Variants in CRLF1 observed in about 807,000 individuals in gnomAD.
CRLF1 encodes cytokine receptor like factor 1, also known as cytokine receptor-like factor 1.
Under a neutral mutation model 48.9 loss-of-function variants are expected in CRLF1, and 36 were observed. That is an observed-to-expected ratio of 0.74 (90% confidence interval 0.56 to 0.97). The LOEUF is 0.97. Ranked by LOEUF, CRLF1 falls within the 50% of genes least tolerant of loss-of-function variation. The pLI, the probability that CRLF1 is intolerant of heterozygous loss-of-function variation, is 0.00. For synonymous variants in CRLF1, 256 were observed against 253.4 expected (o/e 1.01, Z -0.10); for missense variants, 534 against 575.1 (o/e 0.93, Z 0.73).
At chr19:18,594,029 T>TTCGTGGGGC in intron 8 of CRLF1, 36 bp downstream of exon 8, 1 of 1,366,650 alleles carries the variant, frequency 7.3e-7, no homozygotes, top group Non-Finnish European at 1.0e-6. Flanking sequence ...GCCCTCCCCT[T>TTCGTGGGGC]GCTCCCTCCC....
At chr19:18,594,032 T>TTGGGCCGC in intron 8 of CRLF1, 33 bp downstream of exon 8, 4 of 695,814 alleles carry the variant, frequency 5.7e-6, no homozygotes, top group Non-Finnish European at 8.8e-6. Context: ...CTCCCCTTGC[T>TTGGGCCGC]CCCTCCCGCC....
At chr19:18,603,007 G>A (rs1223375886) in intron 1 of CRLF1, among the ~76,000 whole-genome samples, 4 of 152,162 alleles carry the variant, frequency 2.6e-5, no homozygotes, top group Admixed American at 1.3e-4. Context: ...CACTGCACCC[G>A]GCCTCAGTGT....
chr19:18,594,201 C>A, intron 7 of CRLF1, 46 bp downstream of exon 7: 1 of 1,610,640 alleles, frequency 6.2e-7, no homozygotes, highest in East Asian at 2.2e-5. Flanking sequence ...TGGGCCCCCC[C>A]AGCTCCCTGT....
chr19:18,605,665 T>A (rs1264925945), intron 1 of CRLF1, among the ~76,000 whole-genome samples: 2 of 152,034 alleles, frequency 1.3e-5, no homozygotes, highest in East Asian at 4.0e-4. Context: ...TGATTCTTTG[T>A]GTGTCTCTGG....
rs536338005 is a variant in CRLF1, at chr19:18,605,846, G to T, written c.115+696C>A. 1.9e-4 allele frequency among the ~76,000 whole-genome samples: 29 copies of T among 152,272 alleles called. No individual in the cohort carries two copies. The East Asian group carries it at 4.8e-3, about 25-fold the overall frequency. Reference sequence around the variant, plus strand: ...CAAAGTTTGGGCCCGCTGGTGCCCGGACTCACTGGCTCCCGCTCCCTCTCC... The same window carrying T: ...CAAAGTTTGGGCCCGCTGGTGCCCGTACTCACTGGCTCCCGCTCCCTCTCC... On this transcript the variant is annotated intron_variant, in intron 1 of 8. Coordinates refer to ENST00000392386, the MANE Select transcript of CRLF1 (RefSeq NM_004750.5).
intron 6 of CRLF1, 149 bp from the exon 7 acceptor site, chr19:18,594,583 T>G: frequency 6.4e-5 from 32 of 498,962 alleles, no homozygotes; most frequent in East Asian, 2.0e-4. Context: ...CCCGCGGCCC[T>G]GCACAGCAGC....
intron 1 of CRLF1, 116 bp from the exon 2 acceptor site, chr19:18,599,962 C>A: frequency 8.8e-7 from 1 of 1,141,830 alleles, no homozygotes; most frequent in Non-Finnish European, 1.2e-6. Context: ...ATGATTGTCC[C>A]CCATTTTACA....
In CRLF1 at chr19:18,598,451, C is replaced by T. The variant is rs757444080; in HGVS notation, c.678G>A (p.Thr226=). 49 of 1,613,654 alleles carry T rather than the reference C, an allele frequency of 3.0e-5. No individual in the cohort carries two copies. The South Asian group carries it at 4.8e-4, about 16-fold the overall frequency. The change falls in exon 4 of 9, where the codon ACG becomes ACA. Residue 226 remains threonine, a synonymous_variant. Coordinates refer to ENST00000392386, the MANE Select transcript of CRLF1 (RefSeq NM_004750.5). ...GCTCACCCACATCCAGGATATCCAGCGTGAGTACATCGGAGCGGGCAGAGC... is the reference window on the plus strand; with the variant it reads ...GCTCACCCACATCCAGGATATCCAGTGTGAGTACATCGGAGCGGGCAGAGC... ...RLGSARSDVL[T]LDILDVVTTD...
In CRLF1 at chr19:18,593,349, A is replaced by G; in HGVS notation, c.*217T>C. 1.6e-6 allele frequency: 1 copy of G among 627,618 alleles called. No individual in the cohort carries two copies. Among genetic ancestry groups the G allele is most frequent in the Non-Finnish European group, 2.8e-6 (1 of 358,680 alleles). 38.9% of individuals were successfully genotyped at this position (627,618 alleles called of 1,614,324 possible). On this transcript the variant is annotated 3_prime_UTR_variant, in exon 9 of 9. Coordinates refer to ENST00000392386, the MANE Select transcript of CRLF1 (RefSeq NM_004750.5). ...CCTGGCAGGGGTTCTAGGCAACTCAACCAACCCTCACACACACACACACAC... is the reference window on the plus strand; with the variant it reads ...CCTGGCAGGGGTTCTAGGCAACTCAGCCAACCCTCACACACACACACACAC...
rs1395195912 is a variant in CRLF1 at position 18,606,470 on chromosome 19, C to T, written c.115+72G>A. Reference sequence around the variant, plus strand: ...TCCAGGTGGCGCCCGCGCCCCCTCCCCCCGCGGCTGCCCCCGGGGCGCCCG... The same window carrying T: ...TCCAGGTGGCGCCCGCGCCCCCTCCTCCCGCGGCTGCCCCCGGGGCGCCCG... On this transcript the variant is annotated intron_variant, in intron 1 of 8. Transcript: ENST00000392386. This position sits in a 1 kb window ranked among gnomAD's most constrained non-coding sequence, Gnocchi z 4.8. 2 of 1,065,900 alleles carry T rather than the reference C, an allele frequency of 1.9e-6. No homozygotes were observed. Among genetic ancestry groups the T allele is most frequent in the Non-Finnish European group, 2.3e-6 (2 of 879,908 alleles). 66.0% of individuals were successfully genotyped at this position (1,065,900 alleles called of 1,614,324 possible).
chr19:18,600,735 G>T (rs532273251), intron 1 of CRLF1, among the ~76,000 whole-genome samples: 2 of 152,086 alleles, frequency 1.3e-5, no homozygotes, highest in Admixed American at 6.5e-5. Flanking sequence ...TCCTGACCTC[G>T]TGATCCACCT....
At position 18,598,490 on chromosome 19, in the gene CRLF1, G is replaced by A. The variant is rs1276868410; in HGVS notation, c.639C>T (p.Ala213=). Reference sequence around the variant, plus strand: ...AGCGGGCAGAGCCCAGGCGGTTGGTGGCCTCCACCCAGATCTCATAGGGCG... The same window carrying A: ...AGCGGGCAGAGCCCAGGCGGTTGGTAGCCTCCACCCAGATCTCATAGGGCG... ...LFTPYEIWVE[A]TNRLGSARSD... The change falls in exon 4 of 9, where the codon GCC becomes GCT. Residue 213 remains alanine, a synonymous_variant. Transcript: ENST00000392386. 1 of 1,614,162 alleles carries A rather than the reference G, an allele frequency of 6.2e-7. No individual in the cohort carries two copies. Among genetic ancestry groups the A allele is most frequent in the African/African-American group, 1.3e-5 (1 of 75,050 alleles).
chr19:18,599,455 G>T, intron 2 of CRLF1, 110 bp downstream of exon 2: 1 of 1,471,564 alleles, frequency 6.8e-7, no homozygotes, highest in Non-Finnish European at 9.4e-7. Flanking sequence ...AGCCATGCCA[G>T]TGTGCCCACA....
At chr19:18,595,053 C>T (rs1976113176) in intron 6 of CRLF1, among the ~76,000 whole-genome samples, 1 of 152,152 alleles carries the variant, frequency 6.6e-6, no homozygotes, top group African/African-American at 2.4e-5. Context: ...AGGGAGTGGG[C>T]CAGGAGGGCC....
chr19:18,597,564 G>A (rs1421672218), intron 4 of CRLF1, among the ~76,000 whole-genome samples: 2 of 150,258 alleles, frequency 1.3e-5, no homozygotes, highest in Non-Finnish European at 3.0e-5. Context: ...CAAGTAGCTG[G>A]GACTACAGGC....
At position 18,603,439 on chromosome 19, in the gene CRLF1, G is replaced by T. The variant is rs541473966; in HGVS notation, c.115+3103C>A. On this transcript the variant is annotated intron_variant, in intron 1 of 8. Transcript: ENST00000392386. ...AGTGCCAAGGTCCTGGGGCAGAAGC[G>T]GTGGGAAATGAGGTTTGAGAGGTCA... Among the ~76,000 whole-genome samples the T allele has an allele frequency of 9.8e-5, 15 of 152,322 alleles. 1 individual carries two copies. Among genetic ancestry groups the T allele is most frequent in the Admixed American group, 9.8e-4 (15 of 15,298 alleles).
rs1323604842 is a variant in CRLF1, at chr19:18,606,387, C to G, written c.115+155G>C. Among the ~76,000 whole-genome samples, 1 of 151,176 alleles carries G rather than the reference C, an allele frequency of 6.6e-6. No homozygotes were observed. Among genetic ancestry groups the G allele is most frequent in the Non-Finnish European group, 1.5e-5 (1 of 67,648 alleles). On this transcript the variant is annotated intron_variant, in intron 1 of 8. Transcript: ENST00000392386. The surrounding 1 kb of genome is among the most constrained non-coding windows in gnomAD (Gnocchi z 4.8). ...CAGTGGACTGCGGCGCCGTGTGCCC[C>G]GCAGGTGAGGGCGCCCCGAGGGCTG...
chr19:18,595,320 C>T (rs949287330), intron 6 of CRLF1, among the ~76,000 whole-genome samples: 7 of 152,242 alleles, frequency 4.6e-5, no homozygotes, highest in South Asian at 2.1e-4. Flanking sequence ...AGGCCCCTCC[C>T]GGCTGCGCTT....
chr19:18,594,163 CCTG>C, intron 7 of CRLF1, 56 bp from the exon 8 acceptor site: 2 of 1,594,820 alleles, frequency 1.3e-6, no homozygotes, highest in South Asian at 2.3e-5. Flanking sequence ...GCGTCCACAG[CCTG>C]CTGTCTTCCC....
Sources: gnomAD v4.1 joint callset for allele counts (sites outside exome capture counted in the v4.1 genomes callset) on GRCh38, gnomAD v4.1.1 for gene constraint, Gnocchi (gnomAD v3.1) non-coding constraint, MANE v1.5 for transcripts, NCBI Gene and HGNC (gene_info 2026-07-23, HGNC 2026-07-21) for gene names.